KCNN3: variants seen among roughly 807,000 people sequenced by gnomAD.
KCNN3 encodes the protein small conductance calcium-activated potassium channel protein 3.
A neutral mutation model predicts 62.9 loss-of-function variants in KCNN3; 16 were observed. That is an observed-to-expected ratio of 0.25 (90% CI 0.17 to 0.39). The LOEUF (loss-of-function observed/expected upper bound fraction) is 0.39. KCNN3 is among the 10% of genes least tolerant of loss of function. The probability of loss-of-function intolerance (pLI) is 1.00; values close to 1 mark genes in which losing one functional copy is unlikely to be tolerated. For synonymous variants in KCNN3, 370 were observed against 389.2 expected, an observed-to-expected ratio of 0.95 and a Z score of 0.58; for missense variants, 599 against 949.4, an observed-to-expected ratio of 0.63 and a Z score of 4.85.
chr1:154,870,200 A>AG lies in KCNN3; in HGVS notation c.-237dup, dbSNP rs1294280560. 6 of 689,630 alleles carry AG rather than the reference A, an allele frequency of 8.7e-6. No individual in the cohort carries two copies. The highest frequency in any genetic ancestry group is 7.5e-5 in the South Asian group (5 of 66,654). The allele number at this position is 689,630 out of a possible 1,614,324, so 42.7% of individuals were successfully genotyped here. A position where few individuals can be genotyped will look rare whatever the true frequency, so the allele number is the denominator to read the frequency against. On this transcript the variant is annotated 5_prime_UTR_variant, in exon 1 of 8. Transcript: ENST00000271915. ...CAGGAGGGGAGCTTGGAGAAAGAAG[A>AG]GGGGGTGAAAGAACTCTCTCAGGAG...
chr1:154,817,295 T>C (rs1650706490), intron 2 of KCNN3, among the ~76,000 whole-genome samples: 1 of 152,224 alleles, frequency 6.6e-6, no homozygotes, highest in Non-Finnish European at 1.5e-5. Flanking sequence ...TGGTGGATCC[T>C]GCACCACGAC....
At chr1:154,723,485 T>C (rs1700400493) in intron 5 of KCNN3, among the ~76,000 whole-genome samples, 1 of 152,228 alleles carries the variant, frequency 6.6e-6, no homozygotes, top group Non-Finnish European at 1.5e-5. Flanking sequence ...GGAATCATTT[T>C]TGAAAGATTA....
intron 6 of KCNN3, 120 bp from the exon 7 acceptor site, chr1:154,713,653 A>G (rs183789670): frequency 2.7e-5 from 21 of 785,070 alleles, no homozygotes; most frequent in Non-Finnish European, 4.4e-5. Flanking sequence ...GGGACCGTGA[A>G]CCTGGGGAAC....
At chr1:154,746,210 C>T (rs1258230244) in intron 3 of KCNN3, among the ~76,000 whole-genome samples, 1 of 152,156 alleles carries the variant, frequency 6.6e-6, no homozygotes, top group Non-Finnish European at 1.5e-5. Flanking sequence ...AGAAGGCAGA[C>T]ACCAAGCAAC....
At chr1:154,868,900 A>ATCTCTTTCTC in intron 1 of KCNN3, 132 bp downstream of exon 1, 1 of 757,566 alleles carries the variant, frequency 1.3e-6, no homozygotes, top group Admixed American at 2.0e-5. Context: ...CAATCTCTCA[A>ATCTCTTTCTC]TCTCTCTCTC....
intron 1 of KCNN3, among the ~76,000 whole-genome samples, chr1:154,838,721 C>G (rs1651704347): frequency 1.3e-5 from 2 of 152,198 alleles, no homozygotes; most frequent in South Asian, 2.1e-4. Flanking sequence ...CCCTTCAGGC[C>G]TCTTCGGGAG....
At chr1:154,766,335 C>CCCT (rs1648272082) in intron 3 of KCNN3, among the ~76,000 whole-genome samples, 1 of 148,022 alleles carries the variant, frequency 6.8e-6, no homozygotes, top group Admixed American at 6.8e-5. Flanking sequence ...TTTGAGCATG[C>CCCT]CCTCCTCCAT....
intron 3 of KCNN3, among the ~76,000 whole-genome samples, chr1:154,761,873 G>A (rs1321917661): frequency 6.6e-6 from 1 of 152,118 alleles, no homozygotes; most frequent in East Asian, 1.9e-4. Flanking sequence ...CCGGGAGGTG[G>A]TGGCTGCAGT....
At chr1:154,727,974 T>C (rs1700505903) in intron 4 of KCNN3, among the ~76,000 whole-genome samples, 1 of 152,252 alleles carries the variant, frequency 6.6e-6, no homozygotes, top group Admixed American at 6.5e-5. Flanking sequence ...CCAGGTTCCA[T>C]TCTCCCTCCT....
At chr1:154,800,135 C>T (rs187876488) in intron 2 of KCNN3, among the ~76,000 whole-genome samples, 11 of 152,288 alleles carry the variant, frequency 7.2e-5, no homozygotes, top group African/African-American at 2.6e-4. Context: ...TGTCATTGTG[C>T]TGTTGTGATG....
rs1283412121 is a variant in KCNN3, at chr1:154,705,056, C to G, written c.*2920G>C. ...AAAGTCCTGGGATTACAGGCATGAG[C>G]CACCGCACCTGGCTATATATACCAG... On this transcript the variant is annotated 3_prime_UTR_variant, in exon 8 of 8. Coordinates refer to ENST00000271915, the MANE Select transcript of KCNN3 (RefSeq NM_002249.6). The G allele has an allele frequency of 2.0e-5, 3 of 152,150 alleles. No homozygotes were observed. The highest frequency in any genetic ancestry group is 2.0e-4 in the Admixed American group (3 of 15,264). 9.4% of individuals were successfully genotyped at this position (152,150 alleles called of 1,614,324 possible).
At chr1:154,769,876 T>C (rs1022778822) in intron 3 of KCNN3, among the ~76,000 whole-genome samples, 9 of 152,218 alleles carry the variant, frequency 5.9e-5, no homozygotes, top group African/African-American at 1.2e-4. Context: ...ATCTGCACTA[T>C]TATTATTAAC....
chr1:154,852,828 C>T (rs1188616754), intron 1 of KCNN3, among the ~76,000 whole-genome samples: 1 of 152,160 alleles, frequency 6.6e-6, no homozygotes, highest in African/African-American at 2.4e-5. Flanking sequence ...TTCGTGTCCA[C>T]CGGACAGTGC....
At chr1:154,750,230 C>T (rs539777372) in intron 3 of KCNN3, among the ~76,000 whole-genome samples, 100 of 152,320 alleles carry the variant, frequency 6.6e-4, no homozygotes, top group Non-Finnish European at 1.2e-3. Flanking sequence ...TCTAAAGCCT[C>T]GAAGCTGGTG....
chr1:154,855,640 C>T (rs546913435), intron 1 of KCNN3, among the ~76,000 whole-genome samples: 1 of 152,318 alleles, frequency 6.6e-6, no homozygotes, highest in African/African-American at 2.4e-5. Context: ...CTGCATGATG[C>T]TCACACAATG....
chr1:154,763,748 G>T (rs750635301), intron 3 of KCNN3, among the ~76,000 whole-genome samples: 2 of 152,178 alleles, frequency 1.3e-5, no homozygotes, highest in African/African-American at 2.4e-5. Context: ...AATACAGCCC[G>T]AGCAACTTTT....
chr1:154,733,306 A>G (rs1299895273), intron 3 of KCNN3, among the ~76,000 whole-genome samples, 162 bp from the exon 4 acceptor site: 3 of 152,178 alleles, frequency 2.0e-5, no homozygotes, highest in Non-Finnish European at 4.4e-5. Flanking sequence ...AGGGGCTGCA[A>G]CTGTGCCCAC....
rs756198528 is a variant in KCNN3, at chr1:154,772,300, T to C, written c.1123A>G (p.Ile375Val). The C allele has an allele frequency of 1.9e-6, 3 of 1,614,184 alleles. No individual in the cohort carries two copies. The highest frequency in any genetic ancestry group is 1.6e-4 in the Middle Eastern group (1 of 6,062). ...TTGTACTCGCCAGGAATGGGGTGGA[T>C]GGCGCACACCAGCATCTCCAGGCTG... ...YISLEMLVCAIHPIPGEYKFF... is the reference protein window; with the variant it reads ...YISLEMLVCAVHPIPGEYKFF... Residue 375 changes from isoleucine to valine, a missense_variant, in exon 3 of 8, where the codon ATC becomes GTC. Transcript: ENST00000271915. The surrounding 1 kb of genome is among the most constrained non-coding windows in gnomAD (Gnocchi z 5.6).
intron 3 of KCNN3, among the ~76,000 whole-genome samples, chr1:154,765,368 ATTCAT>A (rs1490945131): frequency 1.3e-5 from 2 of 152,140 alleles, no homozygotes; most frequent in African/African-American, 4.8e-5. Context: ...GTTCTGTCCT[ATTCAT>A]CCTTTCTCTT....
Sources: gnomAD v4.1 joint callset for allele counts (sites outside exome capture counted in the v4.1 genomes callset) on GRCh38, gnomAD v4.1.1 for gene constraint, Gnocchi (gnomAD v3.1) non-coding constraint, MANE v1.5 for transcripts, NCBI Gene and HGNC (gene_info 2026-07-23, HGNC 2026-07-21) for gene names.